ABCD2: variants seen among roughly 807,000 people sequenced by gnomAD.
ABCD2 encodes ATP binding cassette subfamily D member 2, also known as ATP-binding cassette sub-family D member 2.
Under a neutral mutation model 70.9 loss-of-function variants are expected in ABCD2, and 36 were observed. The ratio of observed to expected loss-of-function variants is 0.51; its 90% CI spans 0.39 to 0.67. ABCD2 has a LOEUF of 0.67. Ranked by LOEUF, ABCD2 falls within the 30% of genes least tolerant of loss-of-function variation. ABCD2 has a pLI of 0.00. For synonymous variants in ABCD2, 304 were observed against 306.9 expected (o/e 0.99, Z 0.10); for missense variants, 729 against 890.2 (o/e 0.82, Z 2.30).
chr12:39,608,526 A>G (rs940329196), intron 2 of ABCD2, among the ~76,000 whole-genome samples: 54 of 151,768 alleles, frequency 3.6e-4, no homozygotes, highest in African/African-American at 1.2e-3. Flanking sequence ...ATCTCTACCA[A>G]AAAAAACGAA....
intron 2 of ABCD2, among the ~76,000 whole-genome samples, chr12:39,611,395 G>A (rs1942042848): frequency 6.6e-6 from 1 of 151,852 alleles, no homozygotes; most frequent in African/African-American, 2.4e-5. Context: ...AAAGAAATAA[G>A]GTGTATTATT....
rs570134597 is a variant in ABCD2, at chr12:39,564,846, A to C, written c.2003+8870T>G. On this transcript the variant is annotated intron_variant, in intron 9 of 9. Coordinates refer to ENST00000308666, the MANE Select transcript of ABCD2 (RefSeq NM_005164.4). ...GGGATCCAGTTTCAGCTTTCTACTT[A>C]TGGCTAGCCAGTTTTCCCAGCACCA... Among the ~76,000 whole-genome samples the C allele has an allele frequency of 9.0e-4, 137 of 152,304 alleles. 2 individuals carry two copies. Among genetic ancestry groups the C allele is most frequent in the Middle Eastern group, 6.8e-3 (2 of 294 alleles).
rs976296533 is a variant in ABCD2 at position 39,602,122 on chromosome 12, A to T, written c.1501-1406T>A. Among the ~76,000 whole-genome samples the T allele has an allele frequency of 8.3e-5, 12 of 145,122 alleles. No individual in the cohort carries two copies. In the East Asian group the frequency reaches 1.8e-3, roughly 21 times the overall value. ...TTCTGCAAATAATTTTTAATTTTTTAAAAATTTTATTTATTTATTTATTTA... is the reference window on the plus strand; with the variant it reads ...TTCTGCAAATAATTTTTAATTTTTTTAAAATTTTATTTATTTATTTATTTA... On this transcript the variant is annotated intron_variant, in intron 5 of 9. Coordinates refer to ENST00000308666, the MANE Select transcript of ABCD2 (RefSeq NM_005164.4).
At chr12:39,579,437 T>G in intron 8 of ABCD2, 98 bp downstream of exon 8, 5 of 787,266 alleles carry the variant, frequency 6.4e-6, no homozygotes. Flanking sequence ...AAGCTACAGA[T>G]GAAGACGATA....
downstream of ABCD2, among the ~76,000 whole-genome samples, chr12:39,546,864 G>A (rs1024570569): frequency 6.6e-6 from 1 of 151,902 alleles, no homozygotes; most frequent in African/African-American, 2.4e-5. Context: ...AAAAGCAAAA[G>A]GGAACACCCA....
the ABCD2 span, among the ~76,000 whole-genome samples, chr12:39,541,291 A>T: frequency 6.6e-6 from 1 of 152,242 alleles, no homozygotes; most frequent in Non-Finnish European, 1.5e-5. Flanking sequence ...ATGAGAATTA[A>T]ACTGGAAAAG....
At chr12:39,586,463 A>G (rs565175675) in intron 6 of ABCD2, among the ~76,000 whole-genome samples, 166 bp from the exon 7 acceptor site, 109 of 152,216 alleles carry the variant, frequency 7.2e-4, no homozygotes, top group Non-Finnish European at 1.4e-3. Context: ...ACTGCTAAAC[A>G]ATACCGTTAT....
chr12:39,610,814 T>C (rs1430136174), intron 2 of ABCD2, among the ~76,000 whole-genome samples: 1 of 152,178 alleles, frequency 6.6e-6, no homozygotes, highest in Non-Finnish European at 1.5e-5. Context: ...CTACTAGTTG[T>C]TCTTTGGCAG....
Position 39,600,591 on chromosome 12 carries a change from A to T in ABCD2, c.1626T>A (p.His542Gln), listed in dbSNP as rs1482577178. 5.6e-6 allele frequency: 9 copies of T among 1,603,028 alleles called. No individual in the cohort carries two copies. Among genetic ancestry groups the T allele is most frequent in the Non-Finnish European group, 7.7e-6 (9 of 1,175,930 alleles). The change falls in exon 6 of 10, where the codon CAT (histidine) becomes CAA (glutamine). Residue 542 changes from histidine (H) to glutamine (Q), a missense_variant. His to Gln is a conservative substitution (Grantham distance 24, BLOSUM62 0). Around this residue, in one of 3 missense-constraint regions of ABCD2, gnomAD observed 289 missense variants for 328.8 expected, o/e 0.88. Coordinates refer to ENST00000308666, the MANE Select transcript of ABCD2 (RefSeq NM_005164.4). ...CCTACCTTTGTGGAATATAAAACAT[A>T]TGTTGAGGAGGTGGTTTATAGAGGA... Reference protein sequence around the residue: ...EGVLYKPPPQHMFYIPQRPYM... With the variant: ...EGVLYKPPPQQMFYIPQRPYM...
chr12:39,560,690 A>C (rs1941243346), intron 9 of ABCD2, among the ~76,000 whole-genome samples: 1 of 152,186 alleles, frequency 6.6e-6, no homozygotes, highest in Non-Finnish European at 1.5e-5. Flanking sequence ...GATATTAAAA[A>C]TTCAAAATGG....
chr12:39,617,337 T>C (rs1942130068), intron 1 of ABCD2, among the ~76,000 whole-genome samples, 169 bp from the exon 2 acceptor site: 1 of 152,112 alleles, frequency 6.6e-6, no homozygotes, highest in Non-Finnish European at 1.5e-5. Context: ...TAAAAGTTTA[T>C]GCTACTCAGT....
intron 5 of ABCD2, among the ~76,000 whole-genome samples, chr12:39,602,072 T>C (rs1591993065): frequency 6.6e-6 from 1 of 151,652 alleles, no homozygotes; most frequent in Non-Finnish European, 1.5e-5. Context: ...TGCTTAGAAT[T>C]CTTTTTGTCT....
chr12:39,582,842 T>C (rs1195831685), intron 7 of ABCD2, among the ~76,000 whole-genome samples: 2 of 152,114 alleles, frequency 1.3e-5, no homozygotes, highest in Non-Finnish European at 2.9e-5. Context: ...CAACTACTAA[T>C]ATTACCATTA....
At chr12:39,617,711 A>G (rs755485167) in intron 1 of ABCD2, among the ~76,000 whole-genome samples, 2 of 152,190 alleles carry the variant, frequency 1.3e-5, no homozygotes, top group Non-Finnish European at 2.9e-5. Flanking sequence ...TACTTTAAAT[A>G]TTATTTTTCA....
At chr12:39,557,887 C>A (rs890440243) in intron 9 of ABCD2, among the ~76,000 whole-genome samples, 1 of 152,186 alleles carries the variant, frequency 6.6e-6, no homozygotes, top group Admixed American at 6.5e-5. Context: ...AGGGTCAGAG[C>A]CCTTATGGAG....
intron 9 of ABCD2, among the ~76,000 whole-genome samples, chr12:39,571,825 C>T (rs910239407): frequency 6.6e-6 from 1 of 152,096 alleles, no homozygotes; most frequent in Non-Finnish European, 1.5e-5. Context: ...TTTACTTCTT[C>T]AGACTCTAGT....
At chr12:39,559,375 C>A (rs61933062) in intron 9 of ABCD2, among the ~76,000 whole-genome samples, 1 of 108,546 alleles carries the variant, frequency 9.2e-6, no homozygotes. Flanking sequence ...GAGACTCCAG[C>A]TCCAAAAAAA....
intron 9 of ABCD2, among the ~76,000 whole-genome samples, chr12:39,570,235 T>A (rs560844985): frequency 6.6e-6 from 1 of 152,278 alleles, no homozygotes; most frequent in African/African-American, 2.4e-5. Flanking sequence ...AGAAAAAAAA[T>A]TCTAAAATTT....
intron 2 of ABCD2, among the ~76,000 whole-genome samples, chr12:39,613,381 G>A (rs1156828771): frequency 1.1e-5 from 1 of 89,466 alleles, no homozygotes; most frequent in East Asian, 3.9e-4. Context: ...GCGAGACTCC[G>A]TCTCAAAAAA....
Sources: allele counts gnomAD v4.1 joint callset (sites outside exome capture counted in the v4.1 genomes callset), GRCh38; gene constraint gnomAD v4.1.1; regional missense constraint gnomAD v4.1.1; transcripts MANE v1.5; gene names NCBI Gene and HGNC (gene_info 2026-07-23, HGNC 2026-07-21).